BCAR3: variants seen among roughly 807,000 people sequenced by gnomAD.
BCAR3 encodes the protein BCAR3 adaptor protein, NSP family member.
In BCAR3, 37 loss-of-function variants were observed where a neutral mutation model predicts 80.1. The ratio of observed to expected loss-of-function variants is 0.46; its 90% confidence interval spans 0.36 to 0.61. The LOEUF (loss-of-function observed/expected upper bound fraction) is 0.61, where lower values mean the gene tolerates loss of function less well. BCAR3 is among the 20% of genes least tolerant of loss of function. The pLI is 0.00. For missense variants in BCAR3, 978 were observed against 1,068.2 expected (o/e 0.92, Z 1.18); for synonymous variants, 389 against 418.9 (o/e 0.93, Z 0.87).
chr1:93,726,017 A>T (rs1196556957), intron 2 of BCAR3, among the ~76,000 whole-genome samples: 1 of 152,112 alleles, frequency 6.6e-6, no homozygotes, highest in Non-Finnish European at 1.5e-5. Context: ...TATCTGGTAG[A>T]GAAATTCCCT....
chr1:93,701,602 A>G (rs2101972824), intron 3 of BCAR3, among the ~76,000 whole-genome samples: 1 of 152,316 alleles, frequency 6.6e-6, no homozygotes, highest in African/African-American at 2.4e-5. Context: ...CACTGCACAG[A>G]CCAACCACCG....
intron 2 of BCAR3, among the ~76,000 whole-genome samples, chr1:93,776,903 C>T (rs1297875233): frequency 7.2e-5 from 11 of 152,094 alleles, no homozygotes; most frequent in South Asian, 2.1e-4. Context: ...TACCCACCAA[C>T]GCTGTGCCTG....
At chr1:93,580,773 G>A (rs1040974426) in intron 7 of BCAR3, among the ~76,000 whole-genome samples, 10 of 152,130 alleles carry the variant, frequency 6.6e-5, no homozygotes, top group African/African-American at 2.4e-4. Flanking sequence ...CGACGGATCT[G>A]AAAAAGTGAC....
chr1:93,804,344 A>G (rs1212015504), intron 2 of BCAR3, among the ~76,000 whole-genome samples: 2 of 152,220 alleles, frequency 1.3e-5, no homozygotes, highest in Non-Finnish European at 2.9e-5. Flanking sequence ...TACCTATGAT[A>G]AAGTTTAATT....
intron 2 of BCAR3, among the ~76,000 whole-genome samples, chr1:93,723,712 A>C (rs1003726423): frequency 6.6e-6 from 1 of 151,964 alleles, no homozygotes; most frequent in Non-Finnish European, 1.5e-5. Flanking sequence ...TGAGACATGA[A>C]CCTTGTCTCA....
chr1:93,617,255 T>C lies in BCAR3; in HGVS notation c.358-24862A>G, dbSNP rs149414748. On this transcript the variant is annotated intron_variant, in intron 3 of 11. Transcript: ENST00000260502. Reference sequence around the variant, plus strand: ...CACGGTCCCTGCTAGAAGATCAGGCTCCCAGTGAGGTAGGCCCTCTCTCCA... The same window carrying C: ...CACGGTCCCTGCTAGAAGATCAGGCCCCCAGTGAGGTAGGCCCTCTCTCCA... Among the ~76,000 whole-genome samples the C allele has an allele frequency of 1.0e-3, 153 of 152,258 alleles. 1 individual carries two copies. Among genetic ancestry groups the C allele is most frequent in the Non-Finnish European group, 1.9e-3 (131 of 68,000 alleles).
At chr1:93,811,976 C>T (rs753759907) in intron 2 of BCAR3, among the ~76,000 whole-genome samples, 1 of 152,220 alleles carries the variant, frequency 6.6e-6, no homozygotes, top group Non-Finnish European at 1.5e-5. Flanking sequence ...TGTTGGTAAA[C>T]GTTTCCCAGC....
At chr1:93,661,894 T>C (rs1647679841) in intron 2 of BCAR3, among the ~76,000 whole-genome samples, 1 of 152,278 alleles carries the variant, frequency 6.6e-6, no homozygotes. Flanking sequence ...GTCTTCCACA[T>C]CTTAAAACAT....
At position 93,589,377 on chromosome 1, in the gene BCAR3, G is replaced by A. The variant is rs769965474; in HGVS notation, c.529C>T (p.Arg177Cys). 3 of 1,613,672 alleles carry A rather than the reference G, an allele frequency of 1.9e-6. No individual in the cohort carries two copies. Among genetic ancestry groups the A allele is most frequent in the East Asian group, 2.2e-5 (1 of 44,884 alleles). ...LVQRDGDFLV[R>C]DSLSSPGNFV... ...TTCCCAGGGCTGGACAGAGAGTCAC[G>A]AACTAGGAAGTCACCATCTCGCTGC... The change falls in exon 5 of 12, where the codon CGT (arginine) becomes TGT (cysteine). Residue 177 changes from arginine (R) to cysteine (C), a missense_variant. Transcript: ENST00000260502.
intron 1 of BCAR3, among the ~76,000 whole-genome samples, chr1:93,846,124 G>A (rs1557708859): frequency 6.6e-6 from 1 of 151,616 alleles, no homozygotes; most frequent in Admixed American, 6.5e-5. Flanking sequence ...GTATGTACCC[G>A]CCCCATAGCT....
chr1:93,565,693 G>C (rs1672917909), intron 11 of BCAR3, among the ~76,000 whole-genome samples: 3 of 152,174 alleles, frequency 2.0e-5, no homozygotes, highest in Non-Finnish European at 2.9e-5. Context: ...TATTGTTTGA[G>C]TAACATACAG....
chr1:93,689,166 T>C (rs1169795769), intron 3 of BCAR3, among the ~76,000 whole-genome samples: 10 of 152,006 alleles, frequency 6.6e-5, no homozygotes, highest in Admixed American at 5.2e-4. Context: ...CTCCCAGTGC[T>C]GTGGGAACGC....
At chr1:93,660,552 T>C (rs1647601785) in intron 2 of BCAR3, among the ~76,000 whole-genome samples, 1 of 152,218 alleles carries the variant, frequency 6.6e-6, no homozygotes, top group African/African-American at 2.4e-5. Flanking sequence ...AATGACATTT[T>C]TGGAAAAATA....
In BCAR3 at chr1:93,641,316, C is replaced by G. The variant is rs367595161; in HGVS notation, c.357+988G>C. Reference sequence around the variant, plus strand: ...AACTCTGGGGGAAGGCATGGGTACACACAAAAGCGACATGCCTACATACTC... The same window carrying G: ...AACTCTGGGGGAAGGCATGGGTACAGACAAAAGCGACATGCCTACATACTC... On this transcript the variant is annotated intron_variant, in intron 3 of 11. Transcript: ENST00000260502. 2.2e-4 allele frequency among the ~76,000 whole-genome samples: 34 copies of G among 152,290 alleles called. No individual in the cohort carries two copies. In the East Asian group the frequency reaches 5.0e-3, roughly 22 times the overall value.
At chr1:93,591,334 G>A (rs1263757757) in intron 4 of BCAR3, among the ~76,000 whole-genome samples, 1 of 152,006 alleles carries the variant, frequency 6.6e-6, no homozygotes, top group African/African-American at 2.4e-5. Context: ...AGTTAGCAGG[G>A]CATGGTGGTG....
In BCAR3 at chr1:93,654,103, C is replaced by T. The variant is rs1364031213; in HGVS notation, c.318-11760G>A. 2.6e-5 allele frequency among the ~76,000 whole-genome samples: 4 copies of T among 152,304 alleles called. No homozygotes were observed. The East Asian group carries it at 7.7e-4, about 29-fold the overall frequency. On this transcript the variant is annotated intron_variant, in intron 2 of 11. Transcript: ENST00000260502. Reference sequence around the variant, plus strand: ...GGCCTGACCCCAGCCACCAGTCCAACTTCATGGTGGCAGGCAGAATTCCTA... The same window carrying T: ...GGCCTGACCCCAGCCACCAGTCCAATTTCATGGTGGCAGGCAGAATTCCTA...
intron 2 of BCAR3, among the ~76,000 whole-genome samples, chr1:93,750,806 G>A (rs937720531): frequency 2.0e-5 from 3 of 152,164 alleles, no homozygotes; most frequent in East Asian, 3.9e-4. Flanking sequence ...GAGCTTTGAG[G>A]TGATTCCAGG....
chr1:93,831,590 C>A (rs891807035), intron 2 of BCAR3, among the ~76,000 whole-genome samples: 10 of 152,208 alleles, frequency 6.6e-5, no homozygotes, highest in East Asian at 3.9e-4. Context: ...AGCGACTCGT[C>A]CCAAATCTTT....
intron 9 of BCAR3, among the ~76,000 whole-genome samples, chr1:93,570,342 C>T (rs1468692102): frequency 2.6e-5 from 4 of 152,128 alleles, no homozygotes; most frequent in East Asian, 1.9e-4. Context: ...ACAGCCAAGC[C>T]GAGTGACCAG....
Sources: allele counts gnomAD v4.1 joint callset (sites outside exome capture counted in the v4.1 genomes callset), GRCh38; gene constraint gnomAD v4.1.1; transcripts MANE v1.5; gene names NCBI Gene and HGNC (gene_info 2026-07-23, HGNC 2026-07-21).